The following SEMA5A variants were observed in gnomAD, a reference collection of about 807,000 sequenced individuals.
The protein encoded by SEMA5A is semaphorin-5A.
In SEMA5A, 55 loss-of-function variants were observed where a neutral mutation model predicts 135.5. The ratio of observed to expected loss-of-function variants is 0.41; its 90% CI spans 0.33 to 0.51. The LOEUF is 0.51. SEMA5A is among the 20% of genes least tolerant of loss of function. The probability of loss-of-function intolerance (pLI) is 0.37; values close to 1 mark genes in which losing one functional copy is unlikely to be tolerated. For synonymous variants in SEMA5A, 580 were observed against 546.5 expected (o/e 1.06, Z -0.85); for missense variants, 1,290 against 1,419.9 (o/e 0.91, Z 1.47).
intron 15 of SEMA5A, among the ~76,000 whole-genome samples, chr5:9,110,025 C>G (rs868150988): frequency 6.6e-6 from 1 of 152,076 alleles, no homozygotes; most frequent in African/African-American, 2.4e-5. Flanking sequence ...GAAAGCAAGG[C>G]CAAGCTGAGG....
intron 1 of SEMA5A, among the ~76,000 whole-genome samples, chr5:9,456,226 C>T (rs1758829081): frequency 6.6e-6 from 1 of 152,226 alleles, no homozygotes; most frequent in South Asian, 2.1e-4. Flanking sequence ...CGACCCAGAG[C>T]TGCTCTGTCC....
intron 3 of SEMA5A, among the ~76,000 whole-genome samples, chr5:9,348,842 G>T (rs529002676): frequency 6.6e-6 from 1 of 152,322 alleles, no homozygotes; most frequent in East Asian, 1.9e-4. Flanking sequence ...GCAGAGGAAC[G>T]TGCCAGAGAT....
intron 1 of SEMA5A, among the ~76,000 whole-genome samples, chr5:9,505,653 A>T (rs1287017017): frequency 1.3e-5 from 2 of 152,212 alleles, no homozygotes; most frequent in African/African-American, 2.4e-5. Context: ...TAGTCACCCC[A>T]GGACTCTGGT....
chr5:9,232,001 C>T (rs931212641), intron 6 of SEMA5A, among the ~76,000 whole-genome samples: 33 of 152,268 alleles, frequency 2.2e-4, no homozygotes, highest in African/African-American at 7.9e-4. Context: ...ATCAACCTGT[C>T]CTTGACTTCA....
At chr5:9,531,455 T>G (rs1737432608) in intron 1 of SEMA5A, among the ~76,000 whole-genome samples, 1 of 152,202 alleles carries the variant, frequency 6.6e-6, no homozygotes, top group South Asian at 2.1e-4. Context: ...CAGATGGGCA[T>G]GTACCTTTGA....
chr5:9,296,037 C>G (rs1394341769), intron 5 of SEMA5A, among the ~76,000 whole-genome samples: 1 of 152,086 alleles, frequency 6.6e-6, no homozygotes, highest in African/African-American at 2.4e-5. Context: ...CAGATAATTA[C>G]TTATCAACTA....
intron 3 of SEMA5A, 107 bp from the exon 4 acceptor site, chr5:9,337,919 T>C (rs1443407068): frequency 1.4e-6 from 1 of 739,666 alleles, no homozygotes. Context: ...CAGAGAGGAT[T>C]CGGAGGTCCC....
intron 11 of SEMA5A, among the ~76,000 whole-genome samples, chr5:9,158,046 G>T (rs530894061): frequency 7.6e-4 from 116 of 152,340 alleles, no homozygotes; most frequent in South Asian, 1.5e-3. Context: ...TATGATGTAT[G>T]TGTAGTGGCT....
chr5:9,457,069 C>T (rs1005103397), intron 1 of SEMA5A, among the ~76,000 whole-genome samples: 2 of 152,150 alleles, frequency 1.3e-5, no homozygotes, highest in African/African-American at 4.8e-5. Flanking sequence ...CAAATTAGCC[C>T]AAATATGTAT....
At chr5:9,357,117 C>G (rs1450673670) in intron 3 of SEMA5A, among the ~76,000 whole-genome samples, 1 of 152,198 alleles carries the variant, frequency 6.6e-6, no homozygotes, top group Non-Finnish European at 1.5e-5. Flanking sequence ...TCATTAATTA[C>G]AACTCTTGGC....
intron 9 of SEMA5A, among the ~76,000 whole-genome samples, chr5:9,197,779 TGTG>T (rs1745493262): frequency 3.4e-5 from 4 of 118,176 alleles, no homozygotes; most frequent in Admixed American, 9.5e-5. Flanking sequence ...TGTGTGTGTG[TGTG>T]TGTTTTAACC....
chr5:9,484,078 A>G (rs929501617), intron 1 of SEMA5A, among the ~76,000 whole-genome samples: 4 of 152,262 alleles, frequency 2.6e-5, no homozygotes, highest in Admixed American at 2.6e-4. Context: ...ACTTCACAAT[A>G]ACAAGGAAAG....
intron 5 of SEMA5A, among the ~76,000 whole-genome samples, chr5:9,247,149 T>A (rs555487930): frequency 1.3e-5 from 2 of 152,210 alleles, no homozygotes; most frequent in Non-Finnish European, 2.9e-5. Context: ...TCTTTGTTGT[T>A]TGGCTTAGAA....
rs57718636 is a variant in SEMA5A, at chr5:9,248,556, C to CAAA, written c.271-10669_271-10667dup. Among the ~76,000 whole-genome samples the CAAA allele has an allele frequency of 7.2e-3, 1,032 of 143,906 alleles. 10 individuals carry two copies. Among genetic ancestry groups the CAAA allele is most frequent in the African/African-American group, 0.018 (715 of 39,006 alleles). 94.4% of individuals were successfully genotyped at this position (143,906 alleles called of 152,430 possible). On this transcript the variant is annotated intron_variant, in intron 5 of 22. Transcript: ENST00000382496. ...CAACCTGTGAAGTTAACTCATACGG[C>CAAA]AAAAAAAAAAAAGAAAAAAGAAAAG...
intron 5 of SEMA5A, among the ~76,000 whole-genome samples, chr5:9,263,131 C>T (rs1282892108): frequency 6.6e-6 from 1 of 150,876 alleles, no homozygotes; most frequent in Non-Finnish European, 1.5e-5. Flanking sequence ...TTGAAGAAAC[C>T]CACAATGGTT....
chr5:9,086,990 T>C lies in SEMA5A; in HGVS notation c.2074-20344A>G, dbSNP rs549243990. On this transcript the variant is annotated intron_variant, in intron 16 of 22. Coordinates refer to ENST00000382496, the MANE Select transcript of SEMA5A (RefSeq NM_003966.3). ...TTAGACTGTCAGGCAGCAACTCTGC[T>C]GCTTTCTCTGTGCCCACTTCTGTGG... 2.0e-5 allele frequency among the ~76,000 whole-genome samples: 3 copies of C among 152,356 alleles called. 1 individual carries two copies. The East Asian group carries it at 5.8e-4, about 29-fold the overall frequency.
chr5:9,345,408 C>T (rs1470607031), intron 3 of SEMA5A, among the ~76,000 whole-genome samples: 1 of 152,078 alleles, frequency 6.6e-6, no homozygotes, highest in Non-Finnish European at 1.5e-5. Flanking sequence ...ATGCAGGCCC[C>T]TGCTCCTGCC....
chr5:9,513,526 A>C (rs1736335094), intron 1 of SEMA5A, among the ~76,000 whole-genome samples: 2 of 152,190 alleles, frequency 1.3e-5, no homozygotes, highest in South Asian at 4.1e-4. Flanking sequence ...AAGAGAGGAA[A>C]GGTTGGGAAG....
chr5:9,473,273 T>C (rs1346051987), intron 1 of SEMA5A, among the ~76,000 whole-genome samples: 2 of 146,582 alleles, frequency 1.4e-5, no homozygotes, highest in East Asian at 3.9e-4. Context: ...GTCAAGTAAA[T>C]GATTTACAAT....
Sources: gnomAD v4.1 joint callset for allele counts (sites outside exome capture counted in the v4.1 genomes callset) on GRCh38, gnomAD v4.1.1 for gene constraint, MANE v1.5 for transcripts, NCBI Gene and HGNC (gene_info 2026-07-23, HGNC 2026-07-21) for gene names.